The following PBX1 variants were observed in gnomAD, a reference collection of about 807,000 sequenced individuals.
PBX1 encodes the protein pre-B-cell leukemia transcription factor 1.
A neutral mutation model predicts 53.4 loss-of-function variants in PBX1; 6 were observed. The observed-to-expected ratio is 0.11, with a 90% CI of 0.06 to 0.22. The LOEUF is 0.22. Ranked by LOEUF, PBX1 falls within the 10% of genes least tolerant of loss-of-function variation. PBX1 has a pLI of 1.00. For missense variants in PBX1, 251 were observed against 551.4 expected, an observed-to-expected ratio of 0.46 and a Z score of 5.46; for synonymous variants, 204 against 212.3, an observed-to-expected ratio of 0.96 and a Z score of 0.34.
At chr1:164,757,987 G>T (rs1666618920) in intron 2 of PBX1, among the ~76,000 whole-genome samples, 1 of 152,132 alleles carries the variant, frequency 6.6e-6, no homozygotes, top group Non-Finnish European at 1.5e-5. Flanking sequence ...CATTGGAGGT[G>T]ATTAGACTTT....
At chr1:164,625,826 A>G (rs201920863) in intron 2 of PBX1, 11 of 493,692 alleles carry the variant, frequency 2.2e-5, no homozygotes, top group East Asian at 2.2e-4. Flanking sequence ...AAAAAAAAAG[A>G]AAAAAAACAC....
chr1:164,742,244 A>G (rs947268641), intron 2 of PBX1, among the ~76,000 whole-genome samples: 1 of 152,154 alleles, frequency 6.6e-6, no homozygotes, highest in Non-Finnish European at 1.5e-5. Context: ...CATGTATTCA[A>G]TATCAAGGAT....
intron 2 of PBX1, among the ~76,000 whole-genome samples, chr1:164,578,817 A>G (rs1000056621): frequency 2.6e-5 from 4 of 152,154 alleles, no homozygotes; most frequent in African/African-American, 4.8e-5. Context: ...GAAATGTTCT[A>G]TGTTTGAGTC....
intron 2 of PBX1, among the ~76,000 whole-genome samples, chr1:164,763,836 T>A (rs1479364807): frequency 6.6e-6 from 1 of 152,208 alleles, no homozygotes; most frequent in Non-Finnish European, 1.5e-5. Flanking sequence ...TGGTGAGCAA[T>A]CTGTGGAGAC....
At chr1:164,793,077 G>A (rs1275993116) in intron 3 of PBX1, among the ~76,000 whole-genome samples, 3 of 152,160 alleles carry the variant, frequency 2.0e-5, no homozygotes, top group Non-Finnish European at 2.9e-5. Context: ...GCTCTCATCC[G>A]GGCGCTATAG....
intron 2 of PBX1, among the ~76,000 whole-genome samples, chr1:164,739,638 A>G (rs1437933765): frequency 6.6e-6 from 1 of 152,068 alleles, no homozygotes; most frequent in African/African-American, 2.4e-5. Flanking sequence ...AGTTTAGATG[A>G]TTATACTTTT....
At chr1:164,698,838 C>G (rs557566453) in intron 2 of PBX1, among the ~76,000 whole-genome samples, 1 of 152,310 alleles carries the variant, frequency 6.6e-6, no homozygotes, top group South Asian at 2.1e-4. Flanking sequence ...TCAGGTAATC[C>G]TCACAACCAC....
At chr1:164,870,601 C>T (rs1360980163) in intron 2 of PBX1, among the ~76,000 whole-genome samples, 1 of 152,052 alleles carries the variant, frequency 6.6e-6, no homozygotes, top group Non-Finnish European at 1.5e-5. Flanking sequence ...GCCTTGGCCT[C>T]CCAAAGTGCT....
chr1:164,765,912 C>T (rs1667038010), intron 2 of PBX1, among the ~76,000 whole-genome samples: 1 of 152,154 alleles, frequency 6.6e-6, no homozygotes, highest in Non-Finnish European at 1.5e-5. Context: ...CTCACTGACT[C>T]TGCTAACCTT....
intron 2 of PBX1, among the ~76,000 whole-genome samples, chr1:164,733,482 C>T: frequency 6.6e-6 from 1 of 152,150 alleles, no homozygotes; most frequent in East Asian, 1.9e-4. Flanking sequence ...GTCTTTGTGA[C>T]ATTTTAAAAA....
chr1:164,746,705 G>A (rs965331824), intron 2 of PBX1, among the ~76,000 whole-genome samples: 27 of 152,170 alleles, frequency 1.8e-4, no homozygotes, highest in African/African-American at 6.0e-4. Flanking sequence ...ACCACGCCTG[G>A]CCCTTTCCTA....
chr1:164,672,492 C>T lies in PBX1; in HGVS notation c.265+109181C>T, dbSNP rs564197923. On this transcript the variant is annotated intron_variant, in intron 2 of 8. Coordinates refer to ENST00000420696, the MANE Select transcript of PBX1 (RefSeq NM_002585.4). ...AAAGGCAAGAGATCAATAATTTAGG[C>T]CCCAGCTTTAATGGCAAAGCTGAGA... is the stretch of plus-strand genomic sequence containing the variant. Among the ~76,000 whole-genome samples the T allele has an allele frequency of 3.3e-5, 5 of 152,246 alleles. No homozygotes were observed. The East Asian group carries it at 9.6e-4, about 29-fold the overall frequency.
chr1:164,746,577 A>G (rs941923367), intron 2 of PBX1, among the ~76,000 whole-genome samples: 1 of 151,818 alleles, frequency 6.6e-6, no homozygotes, highest in Non-Finnish European at 1.5e-5. Context: ...GGGTTTTACC[A>G]CATTGGCCAG....
intron 2 of PBX1, among the ~76,000 whole-genome samples, chr1:164,739,707 G>T (rs1665496457): frequency 6.6e-6 from 1 of 151,618 alleles, no homozygotes; most frequent in Admixed American, 6.6e-5. Context: ...CTCTTTTTCT[G>T]GGATTGGACA....
intron 2 of PBX1, among the ~76,000 whole-genome samples, chr1:164,737,689 G>C (rs1350264005): frequency 2.0e-5 from 3 of 152,132 alleles, no homozygotes; most frequent in Non-Finnish European, 4.4e-5. Flanking sequence ...ATGTTGGCCA[G>C]GCTGATCTCG....
chr1:164,854,795 G>C (rs1671941658), downstream of PBX1, among the ~76,000 whole-genome samples: 1 of 152,028 alleles, frequency 6.6e-6, no homozygotes, highest in Non-Finnish European at 1.5e-5. Context: ...AGACAATGCA[G>C]CTCTTATTTC....
chr1:164,669,641 C>T (rs891755226), intron 2 of PBX1, among the ~76,000 whole-genome samples: 3 of 152,164 alleles, frequency 2.0e-5, no homozygotes, highest in Non-Finnish European at 4.4e-5. Flanking sequence ...TCTGGGCACA[C>T]CCTACTTCCC....
intron 8 of PBX1, among the ~76,000 whole-genome samples, chr1:164,844,109 TTCTTTC>T (rs1197336683): frequency 3.8e-5 from 5 of 130,704 alleles, no homozygotes; most frequent in African/African-American, 1.2e-4. Flanking sequence ...CTTTCTTTCT[TTCTTTC>T]TTTTTTTTTT....
chr1:164,873,880 A>G (rs1571550374), intron 2 of PBX1, among the ~76,000 whole-genome samples: 1 of 152,070 alleles, frequency 6.6e-6, no homozygotes, highest in Non-Finnish European at 1.5e-5. Flanking sequence ...CCTTACAATA[A>G]CAGCTTAAAA....
Sources: gnomAD v4.1 joint callset for allele counts (sites outside exome capture counted in the v4.1 genomes callset) on GRCh38, gnomAD v4.1.1 for gene constraint, MANE v1.5 for transcripts, NCBI Gene and HGNC (gene_info 2026-07-23, HGNC 2026-07-21) for gene names.